Variants in EPS15L1 observed in about 807,000 individuals in gnomAD.
EPS15L1 encodes epidermal growth factor receptor pathway substrate 15 like 1.
Under a neutral mutation model 117.1 loss-of-function variants are expected in EPS15L1, and 43 were observed. That is an observed-to-expected ratio of 0.37 (90% CI 0.29 to 0.47). The LOEUF (loss-of-function observed/expected upper bound fraction) is 0.47, where lower values mean the gene tolerates loss of function less well. Ranked by LOEUF, EPS15L1 falls within the 20% of genes least tolerant of loss-of-function variation. The pLI is 0.99. For missense variants in EPS15L1, 981 were observed against 1,164.0 expected, an observed-to-expected ratio of 0.84 and a Z score of 2.29; for synonymous variants, 459 against 470.5, an observed-to-expected ratio of 0.98 and a Z score of 0.32.
intron 15 of EPS15L1, 80 bp downstream of exon 15, chr19:16,403,653 A>G (rs1005346940): frequency 1.4e-5 from 18 of 1,318,352 alleles, no homozygotes; most frequent in Admixed American, 1.7e-5. Flanking sequence ...GTGAGAGCAA[A>G]GGAGTTCAGC....
At position 16,418,033 on chromosome 19, in the gene EPS15L1, T is replaced by C. The variant is rs779302560; in HGVS notation, c.1022A>G (p.Gln341Arg). The C allele has an allele frequency of 6.2e-7, 1 of 1,614,216 alleles. No homozygotes were observed. Among genetic ancestry groups the C allele is most frequent in the Non-Finnish European group, 8.5e-7 (1 of 1,180,024 alleles). ...GTCGATGCCTTTACTGACCTTCTGC[T>C]GAATGAAATACATAGCTAACGCGAA... ...DQFALAMYFI[Q>R]QKVSKGIDPP... The change falls in exon 11 of 24, where the codon CAG becomes CGG. Residue 341 changes from glutamine (Q) to arginine (R), a missense_variant. Around this residue, in one of 5 missense-constraint regions of EPS15L1, gnomAD observed 819 missense variants for 949.0 expected, o/e 0.86. Coordinates refer to ENST00000455140, the MANE Select transcript of EPS15L1 (RefSeq NM_001258374.3).
intron 21 of EPS15L1, among the ~76,000 whole-genome samples, chr19:16,382,294 C>G (rs946817025): frequency 6.6e-6 from 1 of 152,208 alleles, no homozygotes; most frequent in Non-Finnish European, 1.5e-5. Flanking sequence ...CTTCAAGTTT[C>G]CCAAGAAGCC....
chr19:16,465,937 G>A (rs578137276), intron 1 of EPS15L1, among the ~76,000 whole-genome samples: 2 of 151,932 alleles, frequency 1.3e-5, no homozygotes, highest in South Asian at 2.1e-4. Flanking sequence ...GAGCTCACTG[G>A]GTACAAACTT....
At position 16,361,894 on chromosome 19, in the gene EPS15L1, G is replaced by C; in HGVS notation, c.2471C>G (p.Pro824Arg). Residue 824 changes from proline to arginine, a missense_variant, in exon 23 of 24, where the codon CCG becomes CGG. Around this residue, in one of 5 missense-constraint regions of EPS15L1, gnomAD observed 819 missense variants for 949.0 expected, o/e 0.86. Coordinates refer to ENST00000455140, the MANE Select transcript of EPS15L1 (RefSeq NM_001258374.3). ...CCCAAACCCCTTTTTACTTTGGAAC[G>C]GGTCGCCGCTGTCAGCCCCGAGTGG... ...FQPLGADSGD[P>R]FQSKKGFGDP... 4.3e-6 allele frequency: 7 copies of C among 1,614,126 alleles called. No individual in the cohort carries two copies. The highest frequency in any genetic ancestry group is 5.9e-6 in the Non-Finnish European group (7 of 1,180,008).
rs946346939 is a variant in EPS15L1 at position 16,355,845 on chromosome 19, T to G, written c.2593A>C (p.Asn865His). 13 of 1,535,652 alleles carry G rather than the reference T, an allele frequency of 8.5e-6. No individual in the cohort carries two copies. The highest frequency in any genetic ancestry group is 1.0e-5 in the Non-Finnish European group (12 of 1,146,612). Reference sequence around the variant, plus strand: ...GCCCACGCCAGCTGCTGCTCCTCATTGCCAAACTGCAAAGGAAAAACGGAG... The same window carrying G: ...GCCCACGCCAGCTGCTGCTCCTCATGGCCAAACTGCAAAGGAAAAACGGAG... ...SGFADFTSFG[N>H]EEQQLAWAKR... Residue 865 changes from asparagine (N) to histidine (H), a missense_variant, in exon 24 of 24, where the codon AAT (asparagine) becomes CAT (histidine). Asn to His is a moderately conservative substitution (Grantham distance 68). Around this residue, in one of 5 missense-constraint regions of EPS15L1, gnomAD observed 819 missense variants for 949.0 expected, o/e 0.86. Transcript: ENST00000455140.
At chr19:16,398,168 C>T (rs1360507701) in intron 16 of EPS15L1, among the ~76,000 whole-genome samples, 7 of 152,204 alleles carry the variant, frequency 4.6e-5, no homozygotes, top group Admixed American at 1.3e-4. Context: ...GACAAGCCAC[C>T]GGTCTGGGCT....
In EPS15L1 at chr19:16,402,504, A is replaced by G; in HGVS notation, c.1627-19T>C. 6.4e-7 allele frequency: 1 copy of G among 1,572,352 alleles called. No homozygotes were observed. The highest frequency in any genetic ancestry group is 8.6e-7 in the Non-Finnish European group (1 of 1,161,412). The stretch of plus-strand genomic sequence containing the variant: ...TCCTTGCCTGTGCAACAAAGACATC[A>G]TCAGCATTAAGCAGGGTCAGGAAAA... On this transcript the variant is annotated intron_variant, in intron 15 of 23. Transcript: ENST00000455140.
chr19:16,422,470 T>G (rs1404225807), intron 9 of EPS15L1, among the ~76,000 whole-genome samples: 2 of 151,994 alleles, frequency 1.3e-5, no homozygotes, highest in African/African-American at 4.8e-5. Context: ...ATAATAGCAA[T>G]GAGAATAAAC....
At position 16,370,600 on chromosome 19, in the gene EPS15L1, C is replaced by T. The variant is rs1299665038; in HGVS notation, c.2380+6522G>A. On this transcript the variant is annotated intron_variant, in intron 22 of 23. Transcript: ENST00000455140. The surrounding 1 kb of genome is among the most constrained non-coding windows in gnomAD (Gnocchi z 5.2). ...TGATAATCGAGTCACACGACACTCCCTGGATCCGCCTCTGGGTACAGTGTG... is the reference window on the plus strand; with the variant it reads ...TGATAATCGAGTCACACGACACTCCTTGGATCCGCCTCTGGGTACAGTGTG... Among the ~76,000 whole-genome samples the T allele has an allele frequency of 1.3e-5, 2 of 152,220 alleles. No homozygotes were observed. Among genetic ancestry groups the T allele is most frequent in the Non-Finnish European group, 2.9e-5 (2 of 68,028 alleles).
intron 1 of EPS15L1, among the ~76,000 whole-genome samples, chr19:16,448,558 G>GGGA (rs1555767250): frequency 7.0e-6 from 1 of 142,426 alleles, no homozygotes. Context: ...GGGGGGGGGA[G>GGGA]AAAGGCCGGG....
chr19:16,451,218 TG>T (rs2093138992), intron 1 of EPS15L1, among the ~76,000 whole-genome samples: 1 of 152,242 alleles, frequency 6.6e-6, no homozygotes, highest in Non-Finnish European at 1.5e-5. Context: ...CCCAAAGTGC[TG>T]GGATTACAGG....
chr19:16,386,311 G>T (rs567899545), intron 19 of EPS15L1, 80 bp from the exon 20 acceptor site: 3 of 1,108,444 alleles, frequency 2.7e-6, no homozygotes, highest in South Asian at 2.6e-5. Flanking sequence ...CCTTCCTGAC[G>T]TCGATGTACA....
chr19:16,390,962 G>A (rs905691127), intron 19 of EPS15L1, among the ~76,000 whole-genome samples: 1 of 152,154 alleles, frequency 6.6e-6, no homozygotes, highest in African/African-American at 2.4e-5. Flanking sequence ...GAAAATGTAC[G>A]TAATATCCCA....
rs546335034 is a variant in EPS15L1 at position 16,405,557 on chromosome 19, T to C, written c.1267-808A>G. Among the ~76,000 whole-genome samples the C allele has an allele frequency of 6.6e-6, 1 of 152,206 alleles. No homozygotes were observed. Among genetic ancestry groups the C allele is most frequent in the African/African-American group, 2.4e-5 (1 of 41,528 alleles). The stretch of plus-strand genomic sequence containing the variant: ...GTATACAACGTCTATGACAGCAAAA[T>C]CCGTAAACAATGCAGATGTCCATGA... On this transcript the variant is annotated intron_variant, in intron 13 of 23. Coordinates refer to ENST00000455140, the MANE Select transcript of EPS15L1 (RefSeq NM_001258374.3). The surrounding 1 kb of genome is among the most constrained non-coding windows in gnomAD (Gnocchi z 4.0).
intron 1 of EPS15L1, among the ~76,000 whole-genome samples, chr19:16,447,493 C>T (rs943693430): frequency 6.6e-6 from 1 of 152,198 alleles, no homozygotes; most frequent in Non-Finnish European, 1.5e-5. Flanking sequence ...GGCACTCTGG[C>T]TCACACCTGT....
chr19:16,358,825 G>A (rs185830241), intron 23 of EPS15L1, among the ~76,000 whole-genome samples: 2 of 152,280 alleles, frequency 1.3e-5, no homozygotes, highest in East Asian at 1.9e-4. Flanking sequence ...TCAATAATTC[G>A]AAGCACGGCC....
Position 16,361,771 on chromosome 19 carries a change from C to T in EPS15L1, c.2586+8G>A. The T allele has an allele frequency of 6.2e-7, 1 of 1,611,084 alleles. No individual in the cohort carries two copies. Among genetic ancestry groups the T allele is most frequent in the South Asian group, 1.1e-5 (1 of 90,484 alleles). On this transcript the variant is annotated splice_region_variant and intron_variant, in intron 23 of 23. Transcript: ENST00000455140. ...TGGGGTGGCCCGGAGGCGGAGGACT[C>T]AACTTACAGAGGTGAAGTCTGCAAA... is the stretch of plus-strand genomic sequence containing the variant.
chr19:16,436,529 G>A (rs758629718), intron 6 of EPS15L1: 12 of 163,078 alleles, frequency 7.4e-5, no homozygotes, highest in East Asian at 5.2e-4. Flanking sequence ...GGAAAGAAGC[G>A]AGAAAGCAAG....
chr19:16,437,121 A>T (rs1324717824), intron 5 of EPS15L1, 122 bp from the exon 6 acceptor site: 4 of 780,652 alleles, frequency 5.1e-6, no homozygotes, highest in Non-Finnish European at 8.8e-6. Flanking sequence ...TCACAAAGTT[A>T]AACACAGAAT....
Sources: gnomAD v4.1 joint callset for allele counts (sites outside exome capture counted in the v4.1 genomes callset) on GRCh38, gnomAD v4.1.1 for gene constraint, gnomAD v4.1.1 regional missense constraint, Gnocchi (gnomAD v3.1) non-coding constraint, MANE v1.5 for transcripts, NCBI Gene and HGNC (gene_info 2026-07-23, HGNC 2026-07-21) for gene names.